The following SLC25A10 variants were observed in gnomAD, a reference collection of about 807,000 sequenced individuals.
SLC25A10 encodes the protein solute carrier family 25 member 10.
A neutral mutation model predicts 40.4 loss-of-function variants in SLC25A10; 32 were observed. The ratio of observed to expected loss-of-function variants is 0.79; its 90% CI spans 0.60 to 1.06. The LOEUF is 1.06. SLC25A10 is among the 50% of genes least tolerant of loss of function. The pLI, the probability that SLC25A10 is intolerant of heterozygous loss-of-function variation, is 0.00. For synonymous variants in SLC25A10, 181 were observed against 171.1 expected, an observed-to-expected ratio of 1.06 and a Z score of -0.45; for missense variants, 394 against 402.6, an observed-to-expected ratio of 0.98 and a Z score of 0.18.
chr17:81,716,706 C>T, intron 5 of SLC25A10, 106 bp from the exon 6 acceptor site: 1 of 1,183,134 alleles, frequency 8.5e-7, no homozygotes, highest in Admixed American at 2.1e-5. Context: ...CCCATGAGGC[C>T]TCTGCTTCCT....
At chr17:81,715,311 C>G (rs2037461995) in intron 2 of SLC25A10, among the ~76,000 whole-genome samples, 167 bp from the exon 3 acceptor site, 1 of 152,220 alleles carries the variant, frequency 6.6e-6, no homozygotes. Flanking sequence ...GGGTGCAGCT[C>G]TAGATTTGTG....
chr17:81,712,493 TG>T lies in SLC25A10; in HGVS notation c.68del (p.Cys23SerfsTer18). Reference protein sequence around the residue: ...GGLASCGAACCTHPLDLLKVH... With the variant: ...GGLASCGAACXTHPLDLLKVH... ...GCTGGCCTCCTGCGGGGCCGCCTGC[TG>T]CACGCACCCGCTGGACCTGCTCAAG... On this transcript the variant is annotated frameshift_variant, in exon 1 of 11. Transcript: ENST00000350690. LOFTEE classifies it high-confidence loss of function. 7.7e-7 allele frequency: 1 copy of T among 1,302,960 alleles called. No homozygotes were observed. Among genetic ancestry groups the T allele is most frequent in the Non-Finnish European group, 9.7e-7 (1 of 1,028,026 alleles). 80.7% of individuals were successfully genotyped at this position (1,302,960 alleles called of 1,614,324 possible).
In SLC25A10 at chr17:81,717,746, G is replaced by A. The variant is rs202189729; in HGVS notation, c.628-38G>A. 3.6e-5 allele frequency: 57 copies of A among 1,596,986 alleles called. No homozygotes were observed. The East Asian group carries it at 6.2e-4, about 17-fold the overall frequency. On this transcript the variant is annotated intron_variant, in intron 8 of 10. Transcript: ENST00000350690. ...GTGGGATTCGGCGATGGTGCCTGGC[G>A]TACCTGACAGGCCGCTGGTGACGAG...
Position 81,717,441 on chromosome 17 carries a change from G to T in SLC25A10, c.577G>T (p.Gly193Trp). ...GGCCAAGCAGCTGGTCCTTAGCACC[G>T]GGTACCTCTCTGACAACATCTTCAC... ...DQAKQLVLST[G>W]YLSDNIFTHF... Residue 193 changes from glycine (G) to tryptophan (W), a missense_variant, in exon 8 of 11, where the codon GGG becomes TGG. Gly to Trp is a radical substitution (Grantham distance 184). Coordinates refer to ENST00000350690, the MANE Select transcript of SLC25A10 (RefSeq NM_012140.5). 1.9e-6 allele frequency: 3 copies of T among 1,613,618 alleles called. No individual in the cohort carries two copies. The East Asian group carries it at 6.7e-5, about 36-fold the overall frequency.
chr17:81,720,300 G>C lies in SLC25A10; in HGVS notation c.*223G>C, dbSNP rs1285737382. ...CCCGCTCTGGCTACCAGGCTCTCCC[G>C]GCTGGGCACTGCGTGGCCTTGCCCC... On this transcript the variant is annotated 3_prime_UTR_variant, in exon 11 of 11. Coordinates refer to ENST00000350690, the MANE Select transcript of SLC25A10 (RefSeq NM_012140.5). 2.1e-6 allele frequency: 3 copies of C among 1,435,310 alleles called. No homozygotes were observed. Among genetic ancestry groups the C allele is most frequent in the East Asian group, 2.5e-5 (1 of 39,986 alleles). 88.9% of individuals were successfully genotyped at this position (1,435,310 alleles called of 1,614,324 possible).
intron 2 of SLC25A10, 93 bp from the exon 3 acceptor site, chr17:81,715,385 C>A: frequency 8.6e-7 from 1 of 1,162,670 alleles, no homozygotes; most frequent in Non-Finnish European, 1.3e-6. Flanking sequence ...CCTGTGGCCC[C>A]TCGGGCTGAG....
At chr17:81,715,412 G>T in intron 2 of SLC25A10, 66 bp from the exon 3 acceptor site, 1 of 1,395,698 alleles carries the variant, frequency 7.2e-7, no homozygotes, top group South Asian at 1.2e-5. Context: ...CCCTGGCTGG[G>T]CCGGGTGGCG....
chr17:81,718,792 C>CA (rs1223027711), intron 9 of SLC25A10, among the ~76,000 whole-genome samples: 85 of 143,676 alleles, frequency 5.9e-4, no homozygotes, highest in Non-Finnish European at 1.5e-4. Flanking sequence ...ACTAAAAATG[C>CA]AAAAAAATTA....
chr17:81,713,647 C>G, intron 1 of SLC25A10: 1 of 221,678 alleles, frequency 4.5e-6, no homozygotes, highest in African/African-American at 2.3e-5. Context: ...GCAGAAGAAG[C>G]GAGCCCCTCC....
chr17:81,717,282 G>A (rs185227802), intron 7 of SLC25A10, 117 bp from the exon 8 acceptor site: 46 of 1,142,680 alleles, frequency 4.0e-5, no homozygotes, highest in Admixed American at 2.4e-4. Flanking sequence ...TGGGCCTCAC[G>A]GACGGACAGA....
chr17:81,715,677 G>T lies in SLC25A10; in HGVS notation c.329-16G>T. 6.2e-7 allele frequency: 1 copy of T among 1,613,314 alleles called. No homozygotes were observed. The highest frequency in any genetic ancestry group is 8.5e-7 in the Non-Finnish European group (1 of 1,179,916). On this transcript the variant is annotated splice_polypyrimidine_tract_variant and intron_variant, in intron 3 of 10. Transcript: ENST00000350690. ...TGTGTCAGCACGGCTCATCTCTGGG[G>T]TTTGTGTCACCGCAGGTTTAGCTGG...
intron 1 of SLC25A10, among the ~76,000 whole-genome samples, chr17:81,713,834 AC>A (rs1382932194): frequency 2.0e-5 from 3 of 152,060 alleles, no homozygotes; most frequent in Non-Finnish European, 2.9e-5. Flanking sequence ...GCTGCAGAAC[AC>A]CGCCTGGGGG....
rs2037423110 is a variant in SLC25A10 at position 81,713,479 on chromosome 17, A to G, written c.93+960A>G. 18 of 985,480 alleles carry G rather than the reference A, an allele frequency of 1.8e-5. No homozygotes were observed. In the South Asian group the frequency reaches 8.0e-4, roughly 44 times the overall value. 61.0% of individuals were successfully genotyped at this position (985,480 alleles called of 1,614,324 possible). ...AGGGGACTGGCTTTACTAATGAGCA[A>G]CAATGCTGGTCGCTGCGTGAAGGCC... is the stretch of plus-strand genomic sequence containing the variant. On this transcript the variant is annotated intron_variant, in intron 1 of 10. Coordinates refer to ENST00000350690, the MANE Select transcript of SLC25A10 (RefSeq NM_012140.5).
In SLC25A10 at chr17:81,719,857, A is replaced by T; in HGVS notation, c.732A>T (p.Thr244=). The T allele has an allele frequency of 1.2e-6, 2 of 1,613,696 alleles. No individual in the cohort carries two copies. Among genetic ancestry groups the T allele is most frequent in the South Asian group, 2.2e-5 (2 of 91,070 alleles). ...GCGTTTTCCACTGCGCCGTGGAGAC[A>T]GCGAAGCTCGGGCCTCTGGCCTTTT... is the stretch of plus-strand genomic sequence containing the variant. ...YQGVFHCAVE[T]AKLGPLAFYK... Residue 244 remains threonine, a synonymous_variant, in exon 10 of 11, where the codon ACA becomes ACT. Coordinates refer to ENST00000350690, the MANE Select transcript of SLC25A10 (RefSeq NM_012140.5).
intron 1 of SLC25A10, among the ~76,000 whole-genome samples, chr17:81,714,123 C>G (rs957442881): frequency 1.7e-4 from 26 of 152,186 alleles, no homozygotes; most frequent in African/African-American, 6.0e-4. Flanking sequence ...CCCATCTTTG[C>G]CGACCCCTGG....
chr17:81,718,211 C>T (rs1005808216), intron 9 of SLC25A10, among the ~76,000 whole-genome samples: 3 of 151,984 alleles, frequency 2.0e-5, no homozygotes, highest in African/African-American at 4.8e-5. Context: ...GGGCCAGGTG[C>T]GGTGGCTCAT....
At chr17:81,718,611 C>T (rs148666917) in intron 9 of SLC25A10, among the ~76,000 whole-genome samples, 1 of 152,188 alleles carries the variant, frequency 6.6e-6, no homozygotes, top group Non-Finnish European at 1.5e-5. Flanking sequence ...GCCGAGATTG[C>T]ACCACTGCAT....
intron 5 of SLC25A10, 127 bp from the exon 6 acceptor site, chr17:81,716,685 A>G: frequency 1.1e-6 from 1 of 891,350 alleles, no homozygotes; most frequent in South Asian, 1.6e-5. Flanking sequence ...TCCCAGGGAG[A>G]GATCTTCAGG....
chr17:81,720,514 C>T lies in SLC25A10; in HGVS notation c.*437C>T. 7.6e-7 allele frequency: 1 copy of T among 1,312,584 alleles called. No homozygotes were observed. The highest frequency in any genetic ancestry group is 1.5e-5 in the African/African-American group (1 of 66,908). The allele number at this position is 1,312,584 out of a possible 1,614,324, so 81.3% of individuals were successfully genotyped here. A position where few individuals can be genotyped will look rare whatever the true frequency, so the allele number is the denominator to read the frequency against. On this transcript the variant is annotated 3_prime_UTR_variant, in exon 11 of 11. Transcript: ENST00000350690. Reference sequence around the variant, plus strand: ...AGCCTGGCTGTTGCTCACCCAAGTGCTAGCTCTGCACTTCGTGTCTGCTGA... The same window carrying T: ...AGCCTGGCTGTTGCTCACCCAAGTGTTAGCTCTGCACTTCGTGTCTGCTGA...
Sources: allele counts gnomAD v4.1 joint callset (sites outside exome capture counted in the v4.1 genomes callset), GRCh38; gene constraint gnomAD v4.1.1; transcripts MANE v1.5; gene names NCBI Gene and HGNC (gene_info 2026-07-23, HGNC 2026-07-21).